Variants in RANBP17 observed in about 807,000 individuals in gnomAD.
RANBP17 encodes ran-binding protein 17.
RANBP17 carries 158 observed loss-of-function variants against 141.2 expected under a neutral mutation model. The observed-to-expected ratio is 1.12, with a 90% CI of 0.98 to 1.28. RANBP17 has a LOEUF of 1.28. Among genes scored for constraint, RANBP17 ranks in the 50% most tolerant of loss-of-function variants. RANBP17 has a pLI of 0.00. For synonymous variants in RANBP17, 430 were observed against 450.0 expected (o/e 0.96, Z 0.56); for missense variants, 1,438 against 1,290.7 (o/e 1.11, Z -1.75).
chr5:171,125,467 A>G (rs1352544657), intron 14 of RANBP17, among the ~76,000 whole-genome samples: 1 of 152,230 alleles, frequency 6.6e-6, no homozygotes, highest in East Asian at 1.9e-4. Context: ...ACAAAAGGAT[A>G]TAATAGTTGT....
chr5:171,149,795 G>A (rs1196205063), intron 14 of RANBP17, among the ~76,000 whole-genome samples: 1 of 152,136 alleles, frequency 6.6e-6, no homozygotes, highest in Non-Finnish European at 1.5e-5. Context: ...TGTGAAGAAA[G>A]ACACATTTTT....
intron 16 of RANBP17, among the ~76,000 whole-genome samples, chr5:171,181,020 T>A (rs2127913714): frequency 6.6e-6 from 1 of 152,346 alleles, no homozygotes; most frequent in Non-Finnish European, 1.5e-5. Context: ...TGGTAATTAC[T>A]TAAGATATTT....
intron 14 of RANBP17, among the ~76,000 whole-genome samples, chr5:171,064,722 T>C (rs552905963): frequency 3.2e-4 from 48 of 152,250 alleles, no homozygotes; most frequent in African/African-American, 1.1e-3. Flanking sequence ...GGTTTCTCCA[T>C]GTTGCGTAGG....
intron 14 of RANBP17, among the ~76,000 whole-genome samples, chr5:171,099,689 A>C (rs1347749411): frequency 6.6e-6 from 1 of 152,188 alleles, no homozygotes; most frequent in Admixed American, 6.5e-5. Flanking sequence ...CCAGTTTTCA[A>C]AGGGAATGCT....
At chr5:171,127,410 C>G (rs1756557917) in intron 14 of RANBP17, among the ~76,000 whole-genome samples, 2 of 152,030 alleles carry the variant, frequency 1.3e-5, no homozygotes, top group African/African-American at 2.4e-5. Flanking sequence ...ATAACTGGAA[C>G]AAGACAAAGA....
chr5:171,223,790 C>T (rs760754054), intron 22 of RANBP17, among the ~76,000 whole-genome samples: 2 of 152,032 alleles, frequency 1.3e-5, no homozygotes, highest in Non-Finnish European at 2.9e-5. Context: ...AGATGTGTGT[C>T]TGGACCTTTT....
intron 25 of RANBP17, 135 bp downstream of exon 25, chr5:171,265,982 G>C: frequency 1.5e-6 from 1 of 680,996 alleles, no homozygotes; most frequent in Non-Finnish European, 2.4e-6. Context: ...ATATTGTCTG[G>C]GAGTATTTTC....
rs186345859 is a variant in RANBP17, at chr5:171,004,739, T to G, written c.1710+36362T>G. 4.0e-3 allele frequency among the ~76,000 whole-genome samples: 616 copies of G among 152,240 alleles called. 5 individuals are homozygous for G. The highest frequency in any genetic ancestry group is 0.014 in the African/African-American group (594 of 41,544). ...AGGGGTTTTAGGAGCAGCAGTGATG[T>G]GAGTCGGACAGTCTGACCTCCAGCG... is the stretch of plus-strand genomic sequence containing the variant. On this transcript the variant is annotated intron_variant, in intron 14 of 27. Coordinates refer to ENST00000523189, the MANE Select transcript of RANBP17 (RefSeq NM_022897.5).
intron 24 of RANBP17, among the ~76,000 whole-genome samples, chr5:171,258,921 A>C (rs1458800759): frequency 6.6e-6 from 1 of 152,232 alleles, no homozygotes; most frequent in Admixed American, 6.5e-5. Flanking sequence ...AGAAATAACC[A>C]ACAGAGTAAA....
chr5:171,046,606 ATCT>A (rs1782608376), intron 14 of RANBP17, among the ~76,000 whole-genome samples: 1 of 152,150 alleles, frequency 6.6e-6, no homozygotes, highest in South Asian at 2.1e-4. Context: ...TTTTTAAATT[ATCT>A]TCAGTGCTAC....
intron 24 of RANBP17, among the ~76,000 whole-genome samples, chr5:171,257,599 G>A (rs879906377): frequency 3.3e-5 from 5 of 152,080 alleles, no homozygotes; most frequent in Non-Finnish European, 7.4e-5. Flanking sequence ...CATCCAGATC[G>A]GAAAAGTGAA....
chr5:171,265,541 A>G, intron 24 of RANBP17, 140 bp from the exon 25 acceptor site: 1 of 781,290 alleles, frequency 1.3e-6, no homozygotes, highest in Non-Finnish European at 2.0e-6. Flanking sequence ...AAAAAAACAA[A>G]TTCCTGCCCT....
intron 12 of RANBP17, among the ~76,000 whole-genome samples, chr5:170,951,360 A>T (rs1482262523): frequency 6.6e-6 from 1 of 152,158 alleles, no homozygotes; most frequent in Non-Finnish European, 1.5e-5. Context: ...AATATGGTGT[A>T]TCAATAAAAA....
Position 171,040,776 on chromosome 5 carries a change from G to GA in RANBP17, c.1710+72402dup, listed in dbSNP as rs1156788532. ...AGTTAACTTTTGAAACAGAGAAGAGGAAACTAGTGAAGAAGGAATTCTTCC... is the reference window on the plus strand; with the variant it reads ...AGTTAACTTTTGAAACAGAGAAGAGGAAAACTAGTGAAGAAGGAATTCTTCC... On this transcript the variant is annotated intron_variant, in intron 14 of 27. Transcript: ENST00000523189. Among the ~76,000 whole-genome samples the GA allele has an allele frequency of 7.2e-5, 11 of 152,220 alleles. No individual in the cohort carries two copies. The South Asian group carries it at 1.2e-3, about 17-fold the overall frequency.
intron 12 of RANBP17, among the ~76,000 whole-genome samples, chr5:170,939,790 A>C (rs1774186732): frequency 6.6e-6 from 1 of 151,950 alleles, no homozygotes; most frequent in South Asian, 2.1e-4. Flanking sequence ...GAAGCATGTC[A>C]GAGAGAGAGT....
At chr5:171,128,057 C>G (rs938325228) in intron 14 of RANBP17, among the ~76,000 whole-genome samples, 6 of 151,980 alleles carry the variant, frequency 3.9e-5, no homozygotes, top group African/African-American at 1.2e-4. Flanking sequence ...ACTTGGGAGG[C>G]TGAGGCAGGA....
intron 14 of RANBP17, among the ~76,000 whole-genome samples, chr5:171,004,585 G>C (rs1042367003): frequency 6.6e-6 from 1 of 152,188 alleles, no homozygotes; most frequent in East Asian, 1.9e-4. Context: ...TTCTCTGTAA[G>C]AGTTACCTGA....
intron 18 of RANBP17, among the ~76,000 whole-genome samples, chr5:171,189,417 T>C (rs1043753264): frequency 2.6e-5 from 4 of 152,248 alleles, no homozygotes; most frequent in South Asian, 2.1e-4. Context: ...CCCAAAATTA[T>C]GTTGGGCACC....
chr5:171,128,802 A>C (rs1211646970), intron 14 of RANBP17, among the ~76,000 whole-genome samples: 1 of 136,372 alleles, frequency 7.3e-6, no homozygotes, highest in Non-Finnish European at 1.6e-5. Flanking sequence ...TTTATTAATA[A>C]AAAAATAAAA....
Sources: allele counts gnomAD v4.1 joint callset (sites outside exome capture counted in the v4.1 genomes callset), GRCh38; gene constraint gnomAD v4.1.1; transcripts MANE v1.5; gene names NCBI Gene and HGNC (gene_info 2026-07-23, HGNC 2026-07-21).